Variants in DOP1A observed in about 807,000 individuals in gnomAD.
The protein encoded by DOP1A is protein DOP1A.
Under a neutral mutation model 267.6 loss-of-function variants are expected in DOP1A, and 90 were observed. That is an observed-to-expected ratio of 0.34 (90% CI 0.28 to 0.40). The LOEUF (loss-of-function observed/expected upper bound fraction) is 0.40. Among genes scored for constraint, DOP1A ranks in the 10% least tolerant of loss-of-function variants. DOP1A has a pLI of 1.00. For synonymous variants in DOP1A, 932 were observed against 999.1 expected, an observed-to-expected ratio of 0.93 and a Z score of 1.27; for missense variants, 2,437 against 2,900.4, an observed-to-expected ratio of 0.84 and a Z score of 3.67.
intron 19 of DOP1A, 143 bp downstream of exon 19, chr6:83,134,430 A>C: frequency 1.5e-6 from 1 of 659,292 alleles, no homozygotes; most frequent in South Asian, 2.9e-5. Context: ...GAAAACCGTA[A>C]GCTGTATTAA....
At chr6:83,166,699 C>T in intron 38 of DOP1A, 1 of 1,231,908 alleles carries the variant, frequency 8.1e-7, no homozygotes, top group Non-Finnish European at 1.0e-6. Flanking sequence ...TTTCCTTTTT[C>T]AGGATTTTAC....
At chr6:83,073,919 A>G (rs1472550897) in intron 1 of DOP1A, among the ~76,000 whole-genome samples, 1 of 152,188 alleles carries the variant, frequency 6.6e-6, no homozygotes, top group Non-Finnish European at 1.5e-5. Context: ...TCAAAGTGGG[A>G]GCTACAGTGT....
rs140713365 is a variant in DOP1A at position 83,096,938 on chromosome 6, A to C, written c.-40A>C. 1 of 1,602,366 alleles carries C rather than the reference A, an allele frequency of 6.2e-7. No individual in the cohort carries two copies. The highest frequency in any genetic ancestry group is 1.3e-5 in the African/African-American group (1 of 74,194). ...ACTCTTTTGTAGGTAATGACTTTAC[A>C]TGAGTTTGGAACTGGTCTCTAGTGG... On this transcript the variant is annotated 5_prime_UTR_variant, in exon 3 of 39. An upstream start codon of the reference 5' UTR is lost. Transcript: ENST00000349129.
intron 37 of DOP1A, 100 bp downstream of exon 37, chr6:83,160,060 A>G: frequency 9.0e-7 from 1 of 1,115,836 alleles, no homozygotes. Context: ...TGTAAGTTGA[A>G]ATATTCCTAA....
At chr6:83,111,543 A>G (rs1199971627) in intron 6 of DOP1A, among the ~76,000 whole-genome samples, 1 of 151,718 alleles carries the variant, frequency 6.6e-6, no homozygotes, top group East Asian at 1.9e-4. Context: ...AACACTTGTT[A>G]TTGTCTTTTT....
intron 20 of DOP1A, among the ~76,000 whole-genome samples, 176 bp downstream of exon 20, chr6:83,136,054 A>G (rs1198591920): frequency 2.0e-5 from 3 of 152,170 alleles, no homozygotes; most frequent in African/African-American, 7.2e-5. Context: ...TACTTTGTCA[A>G]TGACCATCTT....
chr6:83,119,809 A>G lies in DOP1A; in HGVS notation c.942A>G (p.Glu314=), dbSNP rs1378365390. 4 of 1,612,958 alleles carry G rather than the reference A, an allele frequency of 2.5e-6. No homozygotes were observed. In the Admixed American group the frequency reaches 5.0e-5, roughly 20 times the overall value. ...PRSTRHSNPE[E]HATYYFTTFS... Reference sequence around the variant, plus strand: ...GCACAAGACACAGTAATCCTGAAGAACATGCCACTTACTATTTCACTACCT... The same window carrying G: ...GCACAAGACACAGTAATCCTGAAGAGCATGCCACTTACTATTTCACTACCT... Residue 314 remains glutamate, a synonymous_variant, in exon 9 of 39, where the codon GAA becomes GAG. Transcript: ENST00000349129.
intron 4 of DOP1A, among the ~76,000 whole-genome samples, chr6:83,107,161 T>C (rs906435899): frequency 1.3e-5 from 2 of 151,042 alleles, no homozygotes; most frequent in Non-Finnish European, 3.0e-5. Flanking sequence ...GTTGTTGCTG[T>C]TTTTTTTTCT....
rs1786332258 is a variant in DOP1A, at chr6:83,168,234, C to T, written c.*67C>T. 1.3e-6 allele frequency: 2 copies of T among 1,503,242 alleles called. No homozygotes were observed. The highest frequency in any genetic ancestry group is 2.3e-5 in the Admixed American group (1 of 43,938). The allele number at this position is 1,503,242 out of a possible 1,614,324, so 93.1% of individuals were successfully genotyped here. ...TATTTAAAACACACACACTGCTCTG[C>T]GTTGTATAGTTTTTCCTTTTTTGTA... On this transcript the variant is annotated 3_prime_UTR_variant, in exon 39 of 39. Coordinates refer to ENST00000349129, the MANE Select transcript of DOP1A (RefSeq NM_015018.4).
chr6:83,159,644 C>A, intron 36 of DOP1A, 152 bp from the exon 37 acceptor site: 1 of 837,642 alleles, frequency 1.2e-6, no homozygotes. Flanking sequence ...GATTTGAAAA[C>A]AGTGACATTT....
Position 83,138,837 on chromosome 6 carries a change from A to G in DOP1A, c.4795A>G (p.Ile1599Val), listed in dbSNP as rs776152802. ...LIVLEHRVMT[I>V]PEENETGFDF... ...TGTTCTAGAACACAGAGTAATGACT[A>G]TTCCTGAAGAGAATGAAACAGGTTT... The change falls in exon 21 of 39, where the codon ATT becomes GTT. Residue 1599 changes from isoleucine (I) to valine (V), a missense_variant. By Grantham distance (29) the Ile-to-Val change is conservative. Around this residue, in one of 9 missense-constraint regions of DOP1A, gnomAD observed 878 missense variants for 992.9 expected, o/e 0.88. Transcript: ENST00000349129. 6.8e-6 allele frequency: 11 copies of G among 1,614,046 alleles called. No homozygotes were observed. The highest frequency in any genetic ancestry group is 1.7e-5 in the Admixed American group (1 of 60,000).
At chr6:83,155,410 A>G (rs939859291) in intron 33 of DOP1A, among the ~76,000 whole-genome samples, 3 of 152,140 alleles carry the variant, frequency 2.0e-5, no homozygotes, top group East Asian at 1.9e-4. Context: ...GCAGTGAGCC[A>G]TGATTGTGCC....
In DOP1A at chr6:83,156,048, T is replaced by C; in HGVS notation, c.6549T>C (p.Phe2183=). Residue 2183 remains phenylalanine (F), a synonymous_variant, in exon 34 of 39, where the codon TTT becomes TTC. Coordinates refer to ENST00000349129, the MANE Select transcript of DOP1A (RefSeq NM_015018.4). ...QRAMLLKRLA[F]AIFSSEIDQY... ...CTATGCTTCTTAAAAGATTAGCATT[T>C]GCTATTTTTAGCAGTGAAATTGACC... 1.2e-6 allele frequency: 2 copies of C among 1,613,958 alleles called. No homozygotes were observed. The highest frequency in any genetic ancestry group is 2.7e-5 in the African/African-American group (2 of 75,064).
In DOP1A at chr6:83,168,046, C is replaced by T; in HGVS notation, c.7277C>T (p.Ser2426Leu). ...GGHSGSPILY[S>L]NAFPNKDMKL... ...CACTCAGGGAGTCCTATCCTCTACT[C>T]AAATGCCTTCCCTAATAAGGACATG... The change falls in exon 39 of 39, where the codon TCA (serine) becomes TTA (leucine). Residue 2426 changes from serine (S) to leucine (L), a missense_variant. This residue lies in a region of DOP1A where 197 missense variants were observed against 246.5 expected (regional missense o/e 0.80). Transcript: ENST00000349129. 6.2e-7 allele frequency: 1 copy of T among 1,614,166 alleles called. No homozygotes were observed. Among genetic ancestry groups the T allele is most frequent in the African/African-American group, 1.3e-5 (1 of 75,030 alleles).
At chr6:83,068,373 C>T (rs1785052280) in intron 1 of DOP1A, among the ~76,000 whole-genome samples, 1 of 152,150 alleles carries the variant, frequency 6.6e-6, no homozygotes, top group East Asian at 1.9e-4. Flanking sequence ...TTTAAAGTTG[C>T]AACATAACAA....
At chr6:83,131,565 T>C (rs1162035248) in intron 17 of DOP1A, among the ~76,000 whole-genome samples, 2 of 152,186 alleles carry the variant, frequency 1.3e-5, no homozygotes, top group Non-Finnish European at 2.9e-5. Context: ...TTGTATCTTA[T>C]TAAGGATAGT....
Position 83,125,574 on chromosome 6 carries a change from T to C in DOP1A, c.1560T>C (p.His520=). 1 of 1,613,850 alleles carries C rather than the reference T, an allele frequency of 6.2e-7. No individual in the cohort carries two copies. Reference sequence around the variant, plus strand: ...GAATGATTTCTGCCTTGACAAGCCATCTCCAGACATTGCACTTATCTGAAC... The same window carrying C: ...GAATGATTTCTGCCTTGACAAGCCACCTCCAGACATTGCACTTATCTGAAC... ...LLRMISALTS[H]LQTLHLSELT... is the part of the protein sequence containing the mutation. The change falls in exon 15 of 39, where the codon CAT becomes CAC. Residue 520 remains histidine (H), a synonymous_variant. Coordinates refer to ENST00000349129, the MANE Select transcript of DOP1A (RefSeq NM_015018.4).
intron 1 of DOP1A, among the ~76,000 whole-genome samples, chr6:83,081,467 C>T (rs537602873): frequency 6.6e-6 from 1 of 152,246 alleles, no homozygotes; most frequent in East Asian, 1.9e-4. Flanking sequence ...AGGACATTCT[C>T]TTCAGTAAAT....
intron 3 of DOP1A, among the ~76,000 whole-genome samples, chr6:83,098,025 T>C (rs1313048354): frequency 6.6e-6 from 1 of 151,996 alleles, no homozygotes. Flanking sequence ...TCTGAGTAGG[T>C]GGGACTGCAG....
Sources: allele counts gnomAD v4.1 joint callset (sites outside exome capture counted in the v4.1 genomes callset), GRCh38; gene constraint gnomAD v4.1.1; regional missense constraint gnomAD v4.1.1; transcripts MANE v1.5; gene names NCBI Gene and HGNC (gene_info 2026-07-23, HGNC 2026-07-21).